The following NHSL1 variants were observed in gnomAD, a reference collection of about 807,000 sequenced individuals.
NHSL1 encodes NHS-like protein 1.
NHSL1 carries 48 observed loss-of-function variants against 95.0 expected under a neutral mutation model. The ratio of observed to expected loss-of-function variants is 0.51; its 90% CI spans 0.40 to 0.64. NHSL1 has a LOEUF of 0.64. NHSL1 is among the 30% of genes least tolerant of loss of function. The pLI, the probability that NHSL1 is intolerant of heterozygous loss-of-function variation, is 0.00. For missense variants in NHSL1, 1,971 were observed against 2,077.7 expected (o/e 0.95, Z 1.00); for synonymous variants, 783 against 833.9 (o/e 0.94, Z 1.05).
intron 2 of NHSL1, among the ~76,000 whole-genome samples, chr6:138,492,633 T>C (rs1193630737): frequency 6.6e-6 from 1 of 152,256 alleles, no homozygotes; most frequent in Non-Finnish European, 1.5e-5. Context: ...TTATGCATTG[T>C]TTTAAAATGT....
At chr6:138,660,964 C>T (rs752488300) in intron 1 of NHSL1, among the ~76,000 whole-genome samples, 2 of 152,114 alleles carry the variant, frequency 1.3e-5, no homozygotes, top group African/African-American at 4.8e-5. Context: ...TGGTGGCGCA[C>T]GCCTGTAGTC....
chr6:138,520,214 T>TAAAATTTC (rs1781620473), intron 1 of NHSL1, among the ~76,000 whole-genome samples: 1 of 147,310 alleles, frequency 6.8e-6, no homozygotes, highest in Non-Finnish European at 1.5e-5. Flanking sequence ...AACTAACCAA[T>TAAAATTTC]AAAATTTCAA....
At chr6:138,588,562 C>T (rs949906082) in intron 1 of NHSL1, among the ~76,000 whole-genome samples, 1 of 152,224 alleles carries the variant, frequency 6.6e-6, no homozygotes, top group Non-Finnish European at 1.5e-5. Flanking sequence ...ACCCCTCCAA[C>T]AGCATGGAGC....
At chr6:138,595,086 T>C (rs1343468170) in intron 1 of NHSL1, among the ~76,000 whole-genome samples, 1 of 152,234 alleles carries the variant, frequency 6.6e-6, no homozygotes, top group Admixed American at 6.5e-5. Context: ...AAGCCTACTG[T>C]ACAATATACA....
rs1382168974 is a variant in NHSL1, at chr6:138,535,781, C to CCAAATACCAG, written c.16+9832_16+9841dup. ...ATATTCATATCTGCAGTTCAGTACA[C>CCAAATACCAG]CAAATACCAGACTGCCTTACTGTAA... is the stretch of plus-strand genomic sequence containing the variant. On this transcript the variant is annotated intron_variant, in intron 1 of 4. Coordinates refer to the NHSL1 transcript ENST00000342260. 4.1e-4 allele frequency among the ~76,000 whole-genome samples: 62 copies of CCAAATACCAG among 152,142 alleles called. 1 individual carries two copies. Among genetic ancestry groups the CCAAATACCAG allele is most frequent in the African/African-American group, 7.2e-5 (3 of 41,436 alleles).
rs1388905520 is a variant in NHSL1 at position 138,430,838 on chromosome 6, A to T, written c.3507T>A (p.Ala1169=). The T allele has an allele frequency of 6.4e-7, 1 of 1,550,868 alleles. No individual in the cohort carries two copies. Among genetic ancestry groups the T allele is most frequent in the Non-Finnish European group, 8.7e-7 (1 of 1,146,784 alleles). The stretch of plus-strand genomic sequence containing the variant: ...GGCTGGGCCGAGCCTCTGCCTCCCC[A>T]GCGCTTGGAGCTCCAGGGCTGCGGC... ...PVSRSPGAPS[A]GEAEARPSPS... is the part of the protein sequence containing the mutation. Residue 1169 remains alanine, a synonymous_variant, in exon 6 of 8, where the codon GCT becomes GCA. Transcript: ENST00000343505. The surrounding 1 kb of genome is among the most constrained non-coding windows in gnomAD (Gnocchi z 4.7).
chr6:138,446,762 G>A, intron 4 of NHSL1: 1 of 514,874 alleles, frequency 1.9e-6, no homozygotes, highest in East Asian at 3.2e-5. Flanking sequence ...TGAATGGTTG[G>A]ACCACTGAGT....
intron 1 of NHSL1, among the ~76,000 whole-genome samples, chr6:138,627,783 A>G (rs563832253): frequency 4.3e-4 from 65 of 152,274 alleles, no homozygotes; most frequent in African/African-American, 1.4e-3. Context: ...CAGGAGGCTG[A>G]GGCAGGAGAA....
chr6:138,597,447 G>T (rs974198626), intron 1 of NHSL1, among the ~76,000 whole-genome samples: 1 of 152,124 alleles, frequency 6.6e-6, no homozygotes, highest in Non-Finnish European at 1.5e-5. Flanking sequence ...TAATCATCAC[G>T]GAACTTTAGT....
At chr6:138,512,375 C>T (rs1170711769) in intron 1 of NHSL1, 2 of 448,628 alleles carry the variant, frequency 4.5e-6, no homozygotes, top group Non-Finnish European at 8.9e-6. Context: ...ATGGAGAACT[C>T]GTTCCGGCAC....
intron 1 of NHSL1, among the ~76,000 whole-genome samples, chr6:138,580,956 A>G (rs993283420): frequency 1.3e-5 from 2 of 152,198 alleles, no homozygotes; most frequent in African/African-American, 4.8e-5. Context: ...CTGGAAGAGG[A>G]AAAGGCAATG....
chr6:138,453,091 C>T (rs1223747227), intron 3 of NHSL1, among the ~76,000 whole-genome samples: 1 of 152,112 alleles, frequency 6.6e-6, no homozygotes, highest in Non-Finnish European at 1.5e-5. Context: ...TCTCCTGCCT[C>T]AGCCTCCCAA....
At chr6:138,475,971 A>C (rs1456385983) in intron 2 of NHSL1, among the ~76,000 whole-genome samples, 1 of 152,142 alleles carries the variant, frequency 6.6e-6, no homozygotes, top group Non-Finnish European at 1.5e-5. Context: ...TCAAAAAACA[A>C]AACAAAACAA....
intron 2 of NHSL1, among the ~76,000 whole-genome samples, chr6:138,478,148 G>A (rs1254993658): frequency 6.6e-6 from 1 of 150,786 alleles, no homozygotes; most frequent in African/African-American, 2.4e-5. Flanking sequence ...TGAGTAGGTG[G>A]GAATACAGGC....
Position 138,422,373 on chromosome 6 carries a change from C to G in NHSL1, c.*1708G>C, listed in dbSNP as rs917383115. 2.0e-5 allele frequency: 3 copies of G among 151,946 alleles called. No individual in the cohort carries two copies. Among genetic ancestry groups the G allele is most frequent in the Admixed American group, 6.6e-5 (1 of 15,264 alleles). The allele number at this position is 151,946 out of a possible 1,614,324, so 9.4% of individuals were successfully genotyped here. On this transcript the variant is annotated 3_prime_UTR_variant, in exon 8 of 8. Coordinates refer to ENST00000343505, the MANE Select transcript of NHSL1 (RefSeq NM_001144060.2). ...TGTTTTTTTCAGAGAAGGGAAAGAG[C>G]CTTCATTCTTTAGGTTTGTTTTTGC... is the stretch of plus-strand genomic sequence containing the variant.
intron 1 of NHSL1, among the ~76,000 whole-genome samples, chr6:138,675,724 G>A (rs1785440387): frequency 6.6e-6 from 1 of 151,968 alleles, no homozygotes; most frequent in African/African-American, 2.4e-5. Context: ...AGTAGGGATG[G>A]GGTTTCACCA....
chr6:138,556,119 A>G (rs904675914), intron 1 of NHSL1, among the ~76,000 whole-genome samples: 1 of 152,148 alleles, frequency 6.6e-6, no homozygotes, highest in African/African-American at 2.4e-5. Flanking sequence ...CACCGAGAGA[A>G]GAAAATGTGT....
chr6:138,563,578 G>C (rs1334774274), intron 1 of NHSL1, among the ~76,000 whole-genome samples: 1 of 152,094 alleles, frequency 6.6e-6, no homozygotes, highest in African/African-American at 2.4e-5. Context: ...ACAATAGATC[G>C]AATTTGTAGG....
In NHSL1 at chr6:138,582,749, C is replaced by T. The variant is rs188558882; in HGVS notation, c.97-86378G>A. Among the ~76,000 whole-genome samples, 73 of 152,304 alleles carry T rather than the reference C, an allele frequency of 4.8e-4. 1 individual carries two copies. Among genetic ancestry groups the T allele is most frequent in the Non-Finnish European group, 7.6e-4 (52 of 68,024 alleles). ...GTCCTCCCTACCACCAGGCACACCA[C>T]GCTCCATGCCTCCAGGCCCTTGACT... On this transcript the variant is annotated intron_variant, in intron 1 of 3. Transcript: ENST00000491526.
Sources: gnomAD v4.1 joint callset for allele counts (sites outside exome capture counted in the v4.1 genomes callset) on GRCh38, gnomAD v4.1.1 for gene constraint, Gnocchi (gnomAD v3.1) non-coding constraint, MANE v1.5 for transcripts, NCBI Gene and HGNC (gene_info 2026-07-23, HGNC 2026-07-21) for gene names.